Variants in OLFML2B observed in about 807,000 individuals in gnomAD.
OLFML2B encodes olfactomedin like 2B, also known as olfactomedin-like protein 2B.
Under a neutral mutation model 74.9 loss-of-function variants are expected in OLFML2B, and 57 were observed. The observed-to-expected ratio is 0.76, with a 90% CI of 0.61 to 0.95. The LOEUF (loss-of-function observed/expected upper bound fraction) is 0.95, where lower values mean the gene tolerates loss of function less well. OLFML2B is among the 40% of genes least tolerant of loss of function. The pLI is 0.00. For missense variants in OLFML2B, 986 were observed against 970.6 expected, an observed-to-expected ratio of 1.02 and a Z score of -0.21; for synonymous variants, 388 against 405.8, an observed-to-expected ratio of 0.96 and a Z score of 0.53.
At chr1:162,002,571 C>T (rs990304241) in intron 4 of OLFML2B, among the ~76,000 whole-genome samples, 8 of 152,360 alleles carry the variant, frequency 5.3e-5, no homozygotes, top group African/African-American at 1.7e-4. Flanking sequence ...CTGGAAAAAG[C>T]CCTGAGTCCT....
intron 4 of OLFML2B, among the ~76,000 whole-genome samples, chr1:162,003,699 C>T (rs969505941): frequency 9.2e-5 from 14 of 152,210 alleles, no homozygotes; most frequent in Non-Finnish European, 1.9e-4. Context: ...GAGCCCCATG[C>T]CAACCCCTCA....
Position 162,017,280 on chromosome 1 carries a change from A to T in OLFML2B, c.546+120T>A, listed in dbSNP as rs962656473. 14 of 688,290 alleles carry T rather than the reference A, an allele frequency of 2.0e-5. No individual in the cohort carries two copies. The Admixed American group carries it at 3.7e-4, about 18-fold the overall frequency. 42.6% of individuals were successfully genotyped at this position (688,290 alleles called of 1,614,324 possible). A position where few individuals can be genotyped will look rare whatever the true frequency, so the allele number is the denominator to read the frequency against. On this transcript the variant is annotated intron_variant, in intron 3 of 7. Coordinates refer to ENST00000294794, the MANE Select transcript of OLFML2B (RefSeq NM_015441.3). ...ATCTTTTATGTATATTTTCCCTTTCATAGAATAGGATGGGTTAAGTCTAGT... is the reference window on the plus strand; with the variant it reads ...ATCTTTTATGTATATTTTCCCTTTCTTAGAATAGGATGGGTTAAGTCTAGT...
Position 162,000,192 on chromosome 1 carries a change from G to C in OLFML2B, c.870C>G (p.Ala290=). The change falls in exon 5 of 8, where the codon GCC becomes GCG. Residue 290 remains alanine (A), a synonymous_variant. Coordinates refer to ENST00000294794, the MANE Select transcript of OLFML2B (RefSeq NM_015441.3). ...TGCCCCGGATGACAGTGGGCTGGGA[G>C]GCCGGCCGGCCTCTCAGGTGGACCT... ...QRQVHLRGRP[A]SQPTVIRGIT... is the part of the protein sequence containing the mutation. 1 of 1,613,752 alleles carries C rather than the reference G, an allele frequency of 6.2e-7. No individual in the cohort carries two copies.
intron 6 of OLFML2B, among the ~76,000 whole-genome samples, chr1:161,986,952 G>A (rs1689608603): frequency 6.6e-6 from 1 of 152,214 alleles, no homozygotes; most frequent in South Asian, 2.1e-4. Context: ...AATTGCAGAT[G>A]GACTCTTGAA....
chr1:162,020,804 C>T (rs753241556), intron 1 of OLFML2B, among the ~76,000 whole-genome samples: 17 of 152,088 alleles, frequency 1.1e-4, no homozygotes, highest in African/African-American at 3.4e-4. Flanking sequence ...CGTGAGACAC[C>T]GCACCCAATC....
At chr1:161,990,192 A>C (rs1689696820) in intron 6 of OLFML2B, among the ~76,000 whole-genome samples, 1 of 152,274 alleles carries the variant, frequency 6.6e-6, no homozygotes, top group South Asian at 2.1e-4. Context: ...TCTAATAAGA[A>C]CATACATACA....
At chr1:162,015,661 G>T (rs945846859) in intron 3 of OLFML2B, among the ~76,000 whole-genome samples, 3 of 152,200 alleles carry the variant, frequency 2.0e-5, no homozygotes, top group African/African-American at 7.2e-5. Context: ...GTATCTGAAA[G>T]AACCAGAAAG....
rs1343579976 is a variant in OLFML2B, at chr1:161,984,094, A to AG, written c.1833dup (p.Trp612LeufsTer28). 6.2e-7 allele frequency: 1 copy of AG among 1,612,486 alleles called. No individual in the cohort carries two copies. Among genetic ancestry groups the AG allele is most frequent in the South Asian group, 1.1e-5 (1 of 90,954 alleles). Reference sequence around the variant, plus strand: ...ACGTCTGAGTGGCCCTGCCATCGCCAGGGGGTGGCCTCCTCGTAGGCCACG... The same window carrying AG: ...ACGTCTGAGTGGCCCTGCCATCGCCAGGGGGGTGGCCTCCTCGTAGGCCACG... On this transcript the variant is annotated frameshift_variant, in exon 8 of 8. Transcript: ENST00000294794. LOFTEE classifies it high-confidence loss of function.
In OLFML2B at chr1:161,998,252, A is replaced by G. The variant is rs115147843; in HGVS notation, c.1047T>C (p.Pro349=). The G allele has an allele frequency of 2.8e-3, 4,507 of 1,611,598 alleles. 110 individuals carry two copies. In the African/African-American group the frequency reaches 0.05, roughly 18 times the overall value. Residue 349 remains proline (P), a synonymous_variant, in exon 6 of 8, where the codon CCT becomes CCC. Transcript: ENST00000294794. The part of the protein sequence containing the change: ...NGLMTSVTRR[P]AATRQGHSTA... ...TGCTGTGTCCCTGACGGGTGGCTGC[A>G]GGCCTCCGGGTGACACTGGTCATCA...
chr1:161,984,789 A>G lies in OLFML2B; in HGVS notation c.1651+15T>C. 1 of 1,612,124 alleles carries G rather than the reference A, an allele frequency of 6.2e-7. No homozygotes were observed. The highest frequency in any genetic ancestry group is 1.1e-5 in the South Asian group (1 of 90,762). On this transcript the variant is annotated intron_variant, in intron 7 of 7. Transcript: ENST00000294794. ...GAAGGGAAGGAGCAGTCTGGGTTGG[A>G]TCTTTATCATGTACCTTGTTTGAAG...
At chr1:161,989,936 T>C (rs1369514338) in intron 6 of OLFML2B, among the ~76,000 whole-genome samples, 2 of 152,206 alleles carry the variant, frequency 1.3e-5, no homozygotes, top group Non-Finnish European at 2.9e-5. Context: ...AAGGCAGTGG[T>C]GTTCTAAGAA....
rs1689966941 is a variant in OLFML2B, at chr1:161,998,035, C to T, written c.1264G>A (p.Ala422Thr). Residue 422 changes from alanine (A) to threonine (T), a missense_variant, in exon 6 of 8, where the codon GCC (alanine) becomes ACC (threonine). By Grantham distance (58) the Ala-to-Thr change is moderately conservative (BLOSUM62 0). Transcript: ENST00000294794. Reference sequence around the variant, plus strand: ...GCTGGTTGCTGGGTGGCTGTGTGGGCCACAGTGGTGGCTGGTACCTGAGGA... The same window carrying T: ...GCTGGTTGCTGGGTGGCTGTGTGGGTCACAGTGGTGGCTGGTACCTGAGGA... ...PSPQVPATTVAHTATQQPAAP... is the reference protein window; with the variant it reads ...PSPQVPATTVTHTATQQPAAP... 2.5e-6 allele frequency: 4 copies of T among 1,614,046 alleles called. No homozygotes were observed. The highest frequency in any genetic ancestry group is 3.4e-6 in the Non-Finnish European group (4 of 1,179,990).
intron 6 of OLFML2B, among the ~76,000 whole-genome samples, chr1:161,992,613 C>T (rs573427195): frequency 1.1e-4 from 16 of 152,248 alleles, no homozygotes; most frequent in Admixed American, 2.0e-4. Context: ...CACCTAGAGG[C>T]CATTGTAGGG....
At chr1:161,990,550 C>T (rs996061399) in intron 6 of OLFML2B, among the ~76,000 whole-genome samples, 2 of 150,706 alleles carry the variant, frequency 1.3e-5, no homozygotes, top group Non-Finnish European at 2.9e-5. Flanking sequence ...TACTTTATTA[C>T]TAAAAAATAC....
At chr1:161,985,441 A>G (rs897802167) in intron 6 of OLFML2B, among the ~76,000 whole-genome samples, 1 of 152,194 alleles carries the variant, frequency 6.6e-6, no homozygotes, top group African/African-American at 2.4e-5. Flanking sequence ...GAGCGTAAGC[A>G]CCAAGGGATG....
intron 3 of OLFML2B, among the ~76,000 whole-genome samples, chr1:162,010,924 G>A (rs1181397024): frequency 6.6e-6 from 1 of 152,162 alleles, no homozygotes; most frequent in Non-Finnish European, 1.5e-5. Context: ...GGCTGCATGT[G>A]GTACAGTGCT....
In OLFML2B at chr1:162,018,874, T is replaced by C. The variant is rs554700446; in HGVS notation, c.438+1045A>G. On this transcript the variant is annotated intron_variant, in intron 2 of 7. Coordinates refer to ENST00000294794, the MANE Select transcript of OLFML2B (RefSeq NM_015441.3). ...AGAGCTGAATCCTGGATAGAAGCCA[T>C]AAAAAGATAGCTGGCTCTTAGTATG... Among the ~76,000 whole-genome samples the C allele has an allele frequency of 9.8e-5, 15 of 152,292 alleles. No individual in the cohort carries two copies. The South Asian group carries it at 3.1e-3, about 32-fold the overall frequency.
At chr1:162,009,648 C>G (rs563510881) in intron 3 of OLFML2B, among the ~76,000 whole-genome samples, 15 of 152,348 alleles carry the variant, frequency 9.8e-5, no homozygotes, top group South Asian at 2.1e-4. Flanking sequence ...AATGGCAAAG[C>G]CTGCCAGCCG....
chr1:162,003,302 C>G (rs1156264739), intron 4 of OLFML2B, among the ~76,000 whole-genome samples: 1 of 152,224 alleles, frequency 6.6e-6, no homozygotes, highest in South Asian at 2.1e-4. Context: ...GGCCACAGCC[C>G]GTGACTCAGA....
Sources: gnomAD v4.1 joint callset for allele counts (sites outside exome capture counted in the v4.1 genomes callset) on GRCh38, gnomAD v4.1.1 for gene constraint, MANE v1.5 for transcripts, NCBI Gene and HGNC (gene_info 2026-07-23, HGNC 2026-07-21) for gene names.